The following ASH1L variants were observed in gnomAD, a reference collection of about 807,000 sequenced individuals.
The protein encoded by ASH1L is ASH1 like histone lysine methyltransferase.
In ASH1L, 23 loss-of-function variants were observed where a neutral mutation model predicts 269.0. The observed-to-expected ratio is 0.09, with a 90% CI of 0.06 to 0.12. The LOEUF (loss-of-function observed/expected upper bound fraction) is 0.12. Among genes scored for constraint, ASH1L ranks in the 10% least tolerant of loss-of-function variants. ASH1L has a pLI of 1.00. For synonymous variants in ASH1L, 1,187 were observed against 1,253.5 expected (o/e 0.95, Z 1.12); for missense variants, 2,912 against 3,567.8 (o/e 0.82, Z 4.68).
intron 16 of ASH1L, among the ~76,000 whole-genome samples, chr1:155,354,240 C>T (rs770637626): frequency 1.2e-4 from 18 of 152,284 alleles, no homozygotes; most frequent in Middle Eastern, 6.8e-3. Context: ...GTCAGGAGTT[C>T]GAGACCAGCC....
intron 1 of ASH1L, among the ~76,000 whole-genome samples, chr1:155,536,389 C>T (rs1001578734): frequency 2.6e-5 from 4 of 152,142 alleles, no homozygotes; most frequent in African/African-American, 9.7e-5. Context: ...CTGACTCAGG[C>T]CTTGAAAAGA....
intron 2 of ASH1L, among the ~76,000 whole-genome samples, chr1:155,485,881 C>CT (rs900880477): frequency 1.3e-5 from 2 of 151,390 alleles, no homozygotes; most frequent in Admixed American, 6.6e-5. Flanking sequence ...TGACAGGTAT[C>CT]TAACTCTAGT....
chr1:155,549,498 C>T (rs1173208672), intron 1 of ASH1L, among the ~76,000 whole-genome samples: 1 of 151,764 alleles, frequency 6.6e-6, no homozygotes, highest in Admixed American at 6.6e-5. Context: ...ATTAGCCAGG[C>T]ACGGTAATCC....
intron 17 of ASH1L, among the ~76,000 whole-genome samples, chr1:155,352,287 A>C (rs1470417795): frequency 7.5e-6 from 1 of 132,930 alleles, no homozygotes; most frequent in African/African-American, 3.0e-5. Flanking sequence ...ACATAGCGAG[A>C]CCTCCATCTC....
intron 2 of ASH1L, among the ~76,000 whole-genome samples, chr1:155,483,290 T>C (rs1000700809): frequency 5.3e-5 from 8 of 152,158 alleles, no homozygotes; most frequent in African/African-American, 1.9e-4. Context: ...AATTTATAAA[T>C]TTAATGCAAT....
In ASH1L at chr1:155,482,140, T is replaced by C. The variant is rs1490688485; in HGVS notation, c.730A>G (p.Thr244Ala). 4.3e-6 allele frequency: 7 copies of C among 1,614,098 alleles called. No homozygotes were observed. In the African/African-American group the frequency reaches 5.3e-5, roughly 12 times the overall value. The part of the protein sequence containing the change: ...KTKPKKLGTG[T>A]TAGLVSKDLI... ...TCCTTGCTAACCAATCCTGCTGTAG[T>C]GCCAGTTCCTAACTTCTTCGGTTTT... The change falls in exon 3 of 28, where the codon ACT (threonine) becomes GCT (alanine). Residue 244 changes from threonine to alanine, a missense_variant. Transcript: ENST00000392403.
At chr1:155,534,638 A>G (rs1246788732) in intron 1 of ASH1L, among the ~76,000 whole-genome samples, 1 of 152,108 alleles carries the variant, frequency 6.6e-6, no homozygotes, top group African/African-American at 2.4e-5. Flanking sequence ...CAAAGGGTTC[A>G]GTAATAAGTA....
intron 2 of ASH1L, among the ~76,000 whole-genome samples, chr1:155,484,965 A>C (rs1412412975): frequency 6.7e-6 from 1 of 149,442 alleles, no homozygotes; most frequent in Non-Finnish European, 1.5e-5. Context: ...ACAAAAACAA[A>C]AACCAACCAA....
At position 155,402,500 on chromosome 1, in the gene ASH1L, T is replaced by TA. The variant is rs527831400; in HGVS notation, c.6009-6948dup. On this transcript the variant is annotated intron_variant, in intron 6 of 27. Coordinates refer to ENST00000392403, the MANE Select transcript of ASH1L (RefSeq NM_018489.3). ...GTTATTCTAGAGCTAATCTTTTAAA[T>TA]AAAAAAAAGGAATTAATCAAATGGT... 3.3e-3 allele frequency among the ~76,000 whole-genome samples: 499 copies of TA among 152,078 alleles called. 3 individuals carry two copies. Among genetic ancestry groups the TA allele is most frequent in the African/African-American group, 0.012 (481 of 41,512 alleles).
intron 6 of ASH1L, among the ~76,000 whole-genome samples, chr1:155,399,554 G>C (rs951511439): frequency 6.6e-6 from 1 of 151,802 alleles, no homozygotes; most frequent in African/African-American, 2.4e-5. Context: ...CATGAGAACT[G>C]CTTGAACACA....
chr1:155,500,219 A>G (rs968828141), intron 2 of ASH1L, among the ~76,000 whole-genome samples: 11 of 152,228 alleles, frequency 7.2e-5, no homozygotes, highest in Non-Finnish European at 1.6e-4. Context: ...AGGACAGATC[A>G]CAGCCCCTTA....
chr1:155,496,020 A>C (rs1667132540), intron 2 of ASH1L, among the ~76,000 whole-genome samples: 1 of 152,128 alleles, frequency 6.6e-6, no homozygotes, highest in African/African-American at 2.4e-5. Flanking sequence ...TAAATAAATA[A>C]AACAAAACAA....
chr1:155,492,394 T>C (rs1476058471), intron 2 of ASH1L, among the ~76,000 whole-genome samples: 2 of 152,234 alleles, frequency 1.3e-5, no homozygotes, highest in Non-Finnish European at 1.5e-5. Context: ...CAATCTTCAC[T>C]ACACTTTCAA....
chr1:155,417,844 G>C (rs951195153), intron 5 of ASH1L, among the ~76,000 whole-genome samples: 3 of 152,008 alleles, frequency 2.0e-5, no homozygotes, highest in Non-Finnish European at 4.4e-5. Context: ...CGTAGTCCCA[G>C]CTACTCGGGA....
At chr1:155,497,118 A>G (rs1667204166) in intron 2 of ASH1L, among the ~76,000 whole-genome samples, 1 of 152,162 alleles carries the variant, frequency 6.6e-6, no homozygotes, top group Non-Finnish European at 1.5e-5. Context: ...TACAAACCTT[A>G]CAAGTAACTT....
Position 155,343,802 on chromosome 1 carries a change from C to T in ASH1L, c.7982-60G>A, listed in dbSNP as rs1184051035. 1.3e-6 allele frequency: 2 copies of T among 1,587,444 alleles called. No individual in the cohort carries two copies. The highest frequency in any genetic ancestry group is 2.7e-5 in the African/African-American group (2 of 74,022). On this transcript the variant is annotated intron_variant, in intron 22 of 27. Transcript: ENST00000392403. This position sits in a 1 kb window ranked among gnomAD's most constrained non-coding sequence, Gnocchi z 6.1. The stretch of plus-strand genomic sequence containing the variant: ...CAATTCTTGTATGAATTCTGTTAGG[C>T]ATCTGTTTATCTGACTCAGGGTCTA...
At chr1:155,558,479 A>AT (rs1195139246) in intron 1 of ASH1L, among the ~76,000 whole-genome samples, 1 of 152,182 alleles carries the variant, frequency 6.6e-6, no homozygotes, top group African/African-American at 2.4e-5. Flanking sequence ...CTCAAAAAAA[A>AT]AAATTTAAAA....
chr1:155,531,482 ACTTAATTCC>A (rs1393159426), intron 1 of ASH1L, among the ~76,000 whole-genome samples: 1 of 152,020 alleles, frequency 6.6e-6, no homozygotes, highest in Non-Finnish European at 1.5e-5. Context: ...TTTTATCTGC[ACTTAATTCC>A]CTTTCAAAAC....
intron 4 of ASH1L, among the ~76,000 whole-genome samples, chr1:155,454,460 G>A (rs1248739328): frequency 2.0e-5 from 3 of 152,016 alleles, no homozygotes; most frequent in South Asian, 2.1e-4. Context: ...TTCAGCATTC[G>A]GTTATGTGTA....
Sources: allele counts gnomAD v4.1 joint callset (sites outside exome capture counted in the v4.1 genomes callset), GRCh38; gene constraint gnomAD v4.1.1; non-coding constraint Gnocchi (gnomAD v3.1); transcripts MANE v1.5; gene names NCBI Gene and HGNC (gene_info 2026-07-23, HGNC 2026-07-21).